Variants in TCOF1 observed in about 807,000 individuals in gnomAD.
The protein encoded by TCOF1 is treacle ribosome biogenesis factor 1.
A neutral mutation model predicts 149.0 loss-of-function variants in TCOF1; 33 were observed. That is an observed-to-expected ratio of 0.22 (90% CI 0.17 to 0.30). TCOF1 has a LOEUF of 0.30. Among genes scored for constraint, TCOF1 ranks in the 10% least tolerant of loss-of-function variants. The pLI, the probability that TCOF1 is intolerant of heterozygous loss-of-function variation, is 1.00. For missense variants in TCOF1, 1,728 were observed against 1,840.7 expected (o/e 0.94, Z 1.12); for synonymous variants, 789 against 738.8 (o/e 1.07, Z -1.10).
At position 150,396,186 on chromosome 5, in the gene TCOF1, G is replaced by C. The variant is rs28624605; in HGVS notation, c.3785-96G>C. ...CCCCATCTGTGCCATTGTAAGAAAA[G>C]ATGGAGTCACTCCCTGCACCCTCTT... is the stretch of plus-strand genomic sequence containing the variant. On this transcript the variant is annotated intron_variant, in intron 23 of 26. Transcript: ENST00000643257. The C allele has an allele frequency of 2.2e-6, 3 of 1,392,518 alleles. No individual in the cohort carries two copies. In the African/African-American group the frequency reaches 4.3e-5, roughly 20 times the overall value. The allele number at this position is 1,392,518 out of a possible 1,614,324, so 86.3% of individuals were successfully genotyped here.
intron 14 of TCOF1, chr5:150,378,623 A>C: frequency 2.1e-6 from 1 of 469,886 alleles, no homozygotes; most frequent in East Asian, 4.2e-5. Flanking sequence ...GAAGGCACGC[A>C]CAATGAGTTT....
At chr5:150,379,819 C>G in intron 17 of TCOF1, 87 bp downstream of exon 17, 1 of 1,517,422 alleles carries the variant, frequency 6.6e-7, no homozygotes. Flanking sequence ...CACCTGTAAT[C>G]CTAGCACTTT....
chr5:150,364,339 A>G, intron 3 of TCOF1, 87 bp downstream of exon 3: 5 of 1,589,196 alleles, frequency 3.1e-6, no homozygotes, highest in Non-Finnish European at 4.3e-6. Flanking sequence ...TCTTATCACT[A>G]GAAGACCTAA....
At chr5:150,382,157 T>TC (rs1422749552) in intron 17 of TCOF1, among the ~76,000 whole-genome samples, 2 of 150,330 alleles carry the variant, frequency 1.3e-5, no homozygotes, top group African/African-American at 4.9e-5. Context: ...AGAGCAAGAC[T>TC]CCATCTCAAA....
chr5:150,382,052 T>C (rs1765324852), intron 17 of TCOF1, among the ~76,000 whole-genome samples: 1 of 152,100 alleles, frequency 6.6e-6, no homozygotes, highest in Non-Finnish European at 1.5e-5. Flanking sequence ...AAAAACTAGC[T>C]GGGCCTGGTG....
In TCOF1 at chr5:150,379,558, G is replaced by A. The variant is rs766075473; in HGVS notation, c.2685G>A (p.Gln895=). 6.2e-7 allele frequency: 1 copy of A among 1,614,186 alleles called. No homozygotes were observed. Among genetic ancestry groups the A allele is most frequent in the Non-Finnish European group, 8.5e-7 (1 of 1,180,034 alleles). ...TGAAGCCTTCAGGGAAGACCCACCA[G>A]ATCAGAGCTGCCTTGGCTCCTGCCA... ...AQVKPSGKTH[Q]IRAALAPAKE... Residue 895 remains glutamine (Q), a synonymous_variant, in exon 17 of 27, where the codon CAG becomes CAA. Coordinates refer to ENST00000643257, the MANE Select transcript of TCOF1 (RefSeq NM_001371623.1).
In TCOF1 at chr5:150,374,762, C is replaced by T. The variant is rs114326915; in HGVS notation, c.1229C>T (p.Ser410Leu). The change falls in exon 9 of 27, where the codon TCG (serine) becomes TTG (leucine). Residue 410 changes from serine to leucine, a missense_variant. By Grantham distance (145) the Ser-to-Leu change is moderately radical (BLOSUM62 -2). Coordinates refer to ENST00000643257, the MANE Select transcript of TCOF1 (RefSeq NM_001371623.1). Reference sequence around the variant, plus strand: ...CAGGCGGGGAAGCGGGAGGAGGACTCGCAGAGCAGCAGCGAGGAATCGGAC... The same window carrying T: ...CAGGCGGGGAAGCGGGAGGAGGACTTGCAGAGCAGCAGCGAGGAATCGGAC... ...KAQAGKREEDSQSSSEESDSE... is the reference protein window; with the variant it reads ...KAQAGKREEDLQSSSEESDSE... 2.2e-3 allele frequency: 3,508 copies of T among 1,612,552 alleles called. 58 individuals carry two copies. In the African/African-American group the frequency reaches 0.04, roughly 18 times the overall value.
At chr5:150,398,916 C>A in intron 25 of TCOF1, 106 bp from the exon 26 acceptor site, 1 of 1,527,888 alleles carries the variant, frequency 6.5e-7, no homozygotes, top group Non-Finnish European at 9.0e-7. Context: ...TCGCTGCAGA[C>A]CCAGTATCTA....
chr5:150,357,989 G>A, intron 1 of TCOF1, 135 bp downstream of exon 1: 2 of 794,798 alleles, frequency 2.5e-6, no homozygotes, highest in South Asian at 1.8e-5. Flanking sequence ...GCGCGGCCAG[G>A]GGTACCGGAG....
At chr5:150,392,299 G>A in intron 21 of TCOF1, 123 bp downstream of exon 21, 1 of 989,778 alleles carries the variant, frequency 1.0e-6, no homozygotes, top group Non-Finnish European at 1.5e-6. Flanking sequence ...GCTGAGCCTG[G>A]GCCTCAGTTT....
chr5:150,368,555 T>C (rs1249068195), intron 4 of TCOF1, 161 bp from the exon 5 acceptor site: 3 of 753,412 alleles, frequency 4.0e-6, no homozygotes, highest in Non-Finnish European at 6.7e-6. Context: ...GAGGAGGTGC[T>C]GTTTTTAACC....
chr5:150,396,385 C>T lies in TCOF1; in HGVS notation c.3888C>T (p.Ile1296=). The T allele has an allele frequency of 2.5e-6, 4 of 1,614,020 alleles. No homozygotes were observed. Among genetic ancestry groups the T allele is most frequent in the South Asian group, 1.1e-5 (1 of 91,086 alleles). The change falls in exon 24 of 27, where the codon ATC becomes ATT. Residue 1296 remains isoleucine (I), a synonymous_variant. Coordinates refer to ENST00000643257, the MANE Select transcript of TCOF1 (RefSeq NM_001371623.1). ...CAACCCTGGCGCTGCAAAGCAACAT[C>T]ACCCAGTGCCTCCTGGGCCAACCCT... The part of the protein sequence containing the change: ...QASTLALQSN[I]TQCLLGQPWP...
At chr5:150,369,066 G>T (rs1761977772) in intron 5 of TCOF1, among the ~76,000 whole-genome samples, 164 bp downstream of exon 5, 1 of 152,218 alleles carries the variant, frequency 6.6e-6, no homozygotes, top group Non-Finnish European at 1.5e-5. Flanking sequence ...AGACGAGGGA[G>T]GGTCAGCTTA....
intron 17 of TCOF1, chr5:150,383,038 C>T (rs1365330744): frequency 1.3e-6 from 2 of 1,520,834 alleles, no homozygotes; most frequent in South Asian, 2.4e-5. Context: ...CGACCACGTG[C>T]TTATCCAGGT....
chr5:150,393,897 A>G (rs1214586186), intron 23 of TCOF1: 2 of 342,902 alleles, frequency 5.8e-6, no homozygotes, highest in Non-Finnish European at 1.1e-5. Context: ...TGTAGTCCCA[A>G]TTACTTGAGA....
chr5:150,362,523 C>T (rs1014005305), intron 2 of TCOF1, among the ~76,000 whole-genome samples: 2 of 152,082 alleles, frequency 1.3e-5, no homozygotes, highest in Non-Finnish European at 2.9e-5. Context: ...CCCAAATGTA[C>T]CTGCTTCAGG....
chr5:150,369,457 G>C, intron 5 of TCOF1, 72 bp from the exon 6 acceptor site: 2 of 1,566,080 alleles, frequency 1.3e-6, no homozygotes, highest in Non-Finnish European at 1.8e-6. Context: ...GCTGGTTTGT[G>C]GGGAGGTGCT....
At chr5:150,383,953 G>C (rs1765757536) in intron 17 of TCOF1, 1 of 1,449,660 alleles carries the variant, frequency 6.9e-7, no homozygotes, top group Non-Finnish European at 9.0e-7. Flanking sequence ...GTGAACCCTG[G>C]CCCTTCCATC....
intron 3 of TCOF1, among the ~76,000 whole-genome samples, chr5:150,367,158 A>G (rs1761544067): frequency 6.6e-6 from 1 of 152,004 alleles, no homozygotes; most frequent in Non-Finnish European, 1.5e-5. Flanking sequence ...ACAAAAAATT[A>G]GCCAGGCATG....
Sources: gnomAD v4.1 joint callset for allele counts (sites outside exome capture counted in the v4.1 genomes callset) on GRCh38, gnomAD v4.1.1 for gene constraint, MANE v1.5 for transcripts, NCBI Gene and HGNC (gene_info 2026-07-23, HGNC 2026-07-21) for gene names.